Variants in CSMD1 observed in about 807,000 individuals in gnomAD.
CSMD1 encodes CUB and sushi domain-containing protein 1.
In CSMD1, 213 loss-of-function variants were observed where a neutral mutation model predicts 417.5. The observed-to-expected ratio is 0.51, with a 90% CI of 0.46 to 0.57. CSMD1 has a LOEUF of 0.57. Ranked by LOEUF, CSMD1 falls within the 20% of genes least tolerant of loss-of-function variation. CSMD1 has a pLI of 0.00. For synonymous variants in CSMD1, 2,862 were observed against 1,736.8 expected, an observed-to-expected ratio of 1.65 and a Z score of -16.11; for missense variants, 6,923 against 4,529.7, an observed-to-expected ratio of 1.53 and a Z score of -15.17.
intron 1 of CSMD1, among the ~76,000 whole-genome samples, chr8:4,869,491 G>T (rs1256572968): frequency 6.6e-6 from 1 of 151,974 alleles, no homozygotes; most frequent in Non-Finnish European, 1.5e-5. Flanking sequence ...GCAGTCAAAA[G>T]TTTAAACTCA....
chr8:3,298,044 C>T (rs1349930402), intron 25 of CSMD1, among the ~76,000 whole-genome samples: 7 of 152,136 alleles, frequency 4.6e-5, no homozygotes, highest in African/African-American at 1.7e-4. Context: ...AAAGGTACCA[C>T]ACCCCCAGTA....
chr8:3,988,529 G>C (rs560560526), intron 5 of CSMD1, among the ~76,000 whole-genome samples: 3 of 152,276 alleles, frequency 2.0e-5, no homozygotes, highest in South Asian at 2.1e-4. Context: ...CAGAAACAGA[G>C]AATCTCTGGA....
At chr8:3,387,225 A>G (rs1265685086) in intron 18 of CSMD1, among the ~76,000 whole-genome samples, 1 of 152,198 alleles carries the variant, frequency 6.6e-6, no homozygotes, top group Non-Finnish European at 1.5e-5. Flanking sequence ...TAAATACCAT[A>G]TGTAAAACAC....
intron 1 of CSMD1, among the ~76,000 whole-genome samples, chr8:4,640,743 T>C (rs1033882298): frequency 1.3e-5 from 2 of 152,038 alleles, no homozygotes; most frequent in African/African-American, 4.8e-5. Context: ...CCCTTGTAAG[T>C]ACCTTTGTAA....
chr8:4,591,561 C>A (rs1799984632), intron 2 of CSMD1, among the ~76,000 whole-genome samples: 2 of 152,122 alleles, frequency 1.3e-5, no homozygotes, highest in African/African-American at 4.8e-5. Context: ...GACTGTAGTG[C>A]AGGCTTCTCT....
At chr8:3,019,085 T>C (rs1451976995) in intron 51 of CSMD1, among the ~76,000 whole-genome samples, 2 of 152,240 alleles carry the variant, frequency 1.3e-5, no homozygotes, top group South Asian at 2.1e-4. Flanking sequence ...GTCCCGCTAA[T>C]TTTTGTATTT....
At chr8:3,079,068 G>A (rs935016169) in intron 49 of CSMD1, among the ~76,000 whole-genome samples, 2 of 152,134 alleles carry the variant, frequency 1.3e-5, no homozygotes, top group African/African-American at 4.8e-5. Flanking sequence ...GGGATGGGAG[G>A]AATCCATCAC....
intron 3 of CSMD1, among the ~76,000 whole-genome samples, chr8:4,083,636 A>T (rs12679028): frequency 0.19 from 28,466 of 152,064 alleles, 2,788 homozygotes; most frequent in South Asian, 0.34. Flanking sequence ...CTGGCTAGCC[A>T]TATGTAGAAA....
Position 3,219,456 on chromosome 8 carries a change from T to C in CSMD1, c.4485-14A>G. 7.6e-6 allele frequency: 11 copies of C among 1,445,562 alleles called. No homozygotes were observed. Among genetic ancestry groups the C allele is most frequent in the Non-Finnish European group, 9.1e-6 (10 of 1,093,912 alleles). 89.5% of individuals were successfully genotyped at this position (1,445,562 alleles called of 1,614,324 possible). On this transcript the variant is annotated splice_polypyrimidine_tract_variant and intron_variant, in intron 28 of 69. Transcript: ENST00000635120. ...TCCATGTTGAAACTAAAGAAAAGAA[T>C]AGTAATTATGTCATACGGCTAACAG... is the stretch of plus-strand genomic sequence containing the variant.
rs112668783 is a variant in CSMD1 at position 4,909,044 on chromosome 8, G to A, written c.85+85288C>T. ...TGGTTAATAAAAAATGTGATAAGCA[G>A]GACTTTAGCATGAAGATTTGTGTTA... On this transcript the variant is annotated intron_variant, in intron 1 of 69. Transcript: ENST00000635120. Among the ~76,000 whole-genome samples the A allele has an allele frequency of 4.9e-4, 74 of 152,282 alleles. 1 individual carries two copies. The highest frequency in any genetic ancestry group is 1.6e-3 in the African/African-American group (67 of 41,568).
chr8:3,959,787 G>C (rs1376115721), intron 5 of CSMD1, among the ~76,000 whole-genome samples: 1 of 152,138 alleles, frequency 6.6e-6, no homozygotes, highest in Non-Finnish European at 1.5e-5. Context: ...TGGAATAGCT[G>C]CAGGTACTCT....
At chr8:4,358,447 C>T (rs567668740) in intron 3 of CSMD1, among the ~76,000 whole-genome samples, 26 of 152,176 alleles carry the variant, frequency 1.7e-4, no homozygotes, top group Non-Finnish European at 3.7e-4. Context: ...TCCACACAGT[C>T]GGCCTGGGGG....
chr8:3,982,351 A>C (rs561658618), intron 5 of CSMD1, among the ~76,000 whole-genome samples: 3 of 151,830 alleles, frequency 2.0e-5, no homozygotes, highest in Non-Finnish European at 2.9e-5. Flanking sequence ...CACCTGCAAA[A>C]TGAGGATAAT....
chr8:3,416,940 C>G (rs1236894174), intron 12 of CSMD1, among the ~76,000 whole-genome samples: 1 of 152,198 alleles, frequency 6.6e-6, no homozygotes, highest in Non-Finnish European at 1.5e-5. Context: ...TAGGTTCACC[C>G]ATAGTCATGT....
At chr8:4,776,717 A>C (rs1796873021) in intron 1 of CSMD1, among the ~76,000 whole-genome samples, 1 of 152,184 alleles carries the variant, frequency 6.6e-6, no homozygotes, top group South Asian at 2.1e-4. Context: ...TTCCAATTTT[A>C]ATTTTGTAGC....
chr8:4,111,073 T>C (rs1801828526), intron 3 of CSMD1, among the ~76,000 whole-genome samples: 1 of 152,206 alleles, frequency 6.6e-6, no homozygotes, highest in East Asian at 1.9e-4. Context: ...TGGAAAAATC[T>C]GGTAGAAATC....
At chr8:4,135,095 A>G (rs56887549) in intron 3 of CSMD1, among the ~76,000 whole-genome samples, 48,618 of 152,058 alleles carry the variant, frequency 0.32, 8,087 homozygotes, top group Middle Eastern at 0.44. Context: ...AAATTCTTCC[A>G]TAATAAATAA....
At chr8:3,677,579 T>C (rs901575876) in intron 7 of CSMD1, among the ~76,000 whole-genome samples, 1 of 152,126 alleles carries the variant, frequency 6.6e-6, no homozygotes, top group African/African-American at 2.4e-5. Context: ...ATGTCTTAGA[T>C]TCACGAAAGC....
At chr8:4,762,077 T>C (rs1812146725) in intron 1 of CSMD1, among the ~76,000 whole-genome samples, 1 of 152,080 alleles carries the variant, frequency 6.6e-6, no homozygotes, top group South Asian at 2.1e-4. Context: ...ATGATGTAAG[T>C]ATAGTAGCTG....
Sources: allele counts gnomAD v4.1 joint callset (sites outside exome capture counted in the v4.1 genomes callset), GRCh38; gene constraint gnomAD v4.1.1; transcripts MANE v1.5; gene names NCBI Gene and HGNC (gene_info 2026-07-23, HGNC 2026-07-21).